DCC: variants seen among roughly 807,000 people sequenced by gnomAD.
DCC encodes netrin receptor DCC.
Under a neutral mutation model 172.5 loss-of-function variants are expected in DCC, and 58 were observed. That is an observed-to-expected ratio of 0.34 (90% CI 0.27 to 0.42). The LOEUF (loss-of-function observed/expected upper bound fraction) is 0.42. Ranked by LOEUF, DCC falls within the 10% of genes least tolerant of loss-of-function variation. DCC has a pLI of 1.00. For synonymous variants in DCC, 709 were observed against 644.5 expected, an observed-to-expected ratio of 1.10 and a Z score of -1.52; for missense variants, 1,740 against 1,791.0, an observed-to-expected ratio of 0.97 and a Z score of 0.51.
chr18:52,721,880 C>T (rs1031202716), intron 1 of DCC, among the ~76,000 whole-genome samples: 1 of 152,066 alleles, frequency 6.6e-6, no homozygotes, highest in Admixed American at 6.6e-5. Flanking sequence ...CAAAGATTAG[C>T]CGGGCATGGT....
intron 21 of DCC, 47 bp downstream of exon 21, chr18:53,416,203 T>C: frequency 7.4e-7 from 1 of 1,357,374 alleles, no homozygotes; most frequent in Non-Finnish European, 1.1e-6. Context: ...ATCAATCCTG[T>C]CTGTTAGACA....
intron 1 of DCC, among the ~76,000 whole-genome samples, chr18:52,488,171 T>C (rs1487088183): frequency 3.9e-5 from 6 of 152,172 alleles, no homozygotes; most frequent in African/African-American, 1.4e-4. Context: ...CACCACTGTT[T>C]TGTTTTCCCA....
chr18:52,516,715 T>C (rs1000825683), intron 1 of DCC, among the ~76,000 whole-genome samples: 3 of 152,234 alleles, frequency 2.0e-5, no homozygotes, highest in Admixed American at 2.0e-4. Context: ...TTATTAGATA[T>C]AGATTCATAG....
At chr18:53,160,430 T>C (rs1292059413) in intron 8 of DCC, among the ~76,000 whole-genome samples, 1 of 152,238 alleles carries the variant, frequency 6.6e-6, no homozygotes. Context: ...TACAGTTCCA[T>C]GGCCAGTAAA....
At chr18:53,497,895 T>C (rs1251605396) in intron 26 of DCC, among the ~76,000 whole-genome samples, 1 of 152,202 alleles carries the variant, frequency 6.6e-6, no homozygotes, top group Non-Finnish European at 1.5e-5. Context: ...TGGGATTCTC[T>C]CATTTGCTGC....
At chr18:52,688,337 T>A (rs900664396) in intron 1 of DCC, among the ~76,000 whole-genome samples, 1 of 152,168 alleles carries the variant, frequency 6.6e-6, no homozygotes, top group African/African-American at 2.4e-5. Flanking sequence ...ATTTTAATTT[T>A]ATAGACAAGA....
chr18:53,119,129 A>G (rs1395138884), intron 7 of DCC, among the ~76,000 whole-genome samples: 1 of 151,800 alleles, frequency 6.6e-6, no homozygotes, highest in Non-Finnish European at 1.5e-5. Flanking sequence ...GAGGTATCAC[A>G]AAGCTTTGTA....
chr18:53,397,949 G>A (rs538983722), intron 18 of DCC, among the ~76,000 whole-genome samples: 2 of 150,884 alleles, frequency 1.3e-5, no homozygotes, highest in Admixed American at 6.6e-5. Flanking sequence ...GGGAAATGGG[G>A]TAACATAATA....
chr18:52,841,068 TTGAA>T (rs1416554369), intron 2 of DCC, among the ~76,000 whole-genome samples: 2 of 152,210 alleles, frequency 1.3e-5, no homozygotes, highest in Non-Finnish European at 2.9e-5. Context: ...AGGTTGAGAC[TTGAA>T]TGAGGAGAAG....
chr18:53,481,134 A>T (rs2045827326), intron 25 of DCC: 1 of 152,170 alleles, frequency 6.6e-6, no homozygotes, highest in South Asian at 2.1e-4. Context: ...AATCTTTTTA[A>T]ACCTTATCTT....
At chr18:53,159,935 G>A (rs2054808328) in intron 8 of DCC, among the ~76,000 whole-genome samples, 1 of 152,150 alleles carries the variant, frequency 6.6e-6, no homozygotes, top group South Asian at 2.1e-4. Flanking sequence ...CAGGAAGAAT[G>A]GAAGGGCTCA....
At chr18:52,584,719 T>C (rs955186945) in intron 1 of DCC, among the ~76,000 whole-genome samples, 1 of 151,938 alleles carries the variant, frequency 6.6e-6, no homozygotes, top group Non-Finnish European at 1.5e-5. Context: ...TTTTTTTTTT[T>C]TGGAGAGACA....
chr18:52,353,538 G>T (rs1185605366), intron 1 of DCC, among the ~76,000 whole-genome samples: 1 of 152,216 alleles, frequency 6.6e-6, no homozygotes, highest in Non-Finnish European at 1.5e-5. Context: ...ATTGGGGATG[G>T]TCTTCAGGGC....
At chr18:53,107,541 G>GAAAAAAAAA (rs11458727) in intron 7 of DCC, among the ~76,000 whole-genome samples, 1 of 137,552 alleles carries the variant, frequency 7.3e-6, no homozygotes, top group Admixed American at 7.3e-5. Flanking sequence ...AAAAAGGAAG[G>GAAAAAAAAA]AAAAAAAAAA....
intron 26 of DCC, among the ~76,000 whole-genome samples, chr18:53,498,629 C>G (rs1273164124): frequency 6.6e-6 from 1 of 150,908 alleles, no homozygotes; most frequent in African/African-American, 2.4e-5. Flanking sequence ...CTCACAGTAA[C>G]CGTGCAGAAC....
intron 5 of DCC, among the ~76,000 whole-genome samples, chr18:52,986,784 C>CATATATATACACACACGTGTAGT (rs1555692496): frequency 0.011 from 1,735 of 150,954 alleles, 43 homozygotes; most frequent in African/African-American, 0.04. Context: ...CATACATATG[C>CATATATATACACACACGTGTAGT]ATATATATAC....
intron 5 of DCC, among the ~76,000 whole-genome samples, chr18:52,982,982 C>T (rs966590782): frequency 6.6e-6 from 1 of 152,170 alleles, no homozygotes; most frequent in African/African-American, 2.4e-5. Flanking sequence ...TCAGTATCTC[C>T]TGGTTTGCCT....
intron 12 of DCC, among the ~76,000 whole-genome samples, chr18:53,269,854 G>A (rs556161815): frequency 6.6e-6 from 1 of 152,188 alleles, no homozygotes; most frequent in Non-Finnish European, 1.5e-5. Flanking sequence ...TCTCCGATAA[G>A]ATGAGTGTTT....
chr18:52,848,832 T>C (rs2145335365), intron 2 of DCC, among the ~76,000 whole-genome samples: 1 of 152,364 alleles, frequency 6.6e-6, no homozygotes, highest in Non-Finnish European at 1.5e-5. Context: ...CATTTATCCA[T>C]GTATTCGTGT....
Sources: allele counts gnomAD v4.1 joint callset (sites outside exome capture counted in the v4.1 genomes callset), GRCh38; gene constraint gnomAD v4.1.1; transcripts MANE v1.5; gene names NCBI Gene and HGNC (gene_info 2026-07-23, HGNC 2026-07-21).